GABRA4: variants seen among roughly 807,000 people sequenced by gnomAD.
GABRA4 encodes the protein gamma-aminobutyric acid receptor subunit alpha-4.
Under a neutral mutation model 49.7 loss-of-function variants are expected in GABRA4, and 12 were observed. The observed-to-expected ratio is 0.24, with a 90% CI of 0.15 to 0.39. GABRA4 has a LOEUF of 0.39. Among genes scored for constraint, GABRA4 ranks in the 10% least tolerant of loss-of-function variants. GABRA4 has a pLI of 1.00. For synonymous variants in GABRA4, 288 were observed against 240.2 expected (o/e 1.20, Z -1.84); for missense variants, 506 against 686.0 (o/e 0.74, Z 2.93).
At chr4:46,928,811 A>G (rs955621251) in intron 8 of GABRA4, 56 bp from the exon 9 acceptor site, 3 of 1,243,180 alleles carry the variant, frequency 2.4e-6, no homozygotes, top group Non-Finnish European at 3.4e-6. Flanking sequence ...AGATTTGTAC[A>G]AAATTTAAAG....
chr4:46,964,589 A>T (rs1383675492), intron 8 of GABRA4, among the ~76,000 whole-genome samples: 1 of 151,804 alleles, frequency 6.6e-6, no homozygotes, highest in Non-Finnish European at 1.5e-5. Flanking sequence ...TAAAGACACA[A>T]ACAAAAACTA....
chr4:46,993,029 T>C (rs945837755), intron 1 of GABRA4, 83 bp from the exon 2 acceptor site: 1 of 1,086,108 alleles, frequency 9.2e-7, no homozygotes, highest in Non-Finnish European at 1.4e-6. Flanking sequence ...AGGTTTGTTT[T>C]CTAGGGAAAG....
At position 46,920,878 on chromosome 4, in the gene GABRA4, A is replaced by G. The variant is rs1720999461; in HGVS notation, c.*7347T>C. ...GAATATATTTAATTTATCCTTTACT[A>G]CTTGTGTAACATAATCAACTCTGTC... On this transcript the variant is annotated 3_prime_UTR_variant, in exon 9 of 9. Coordinates refer to ENST00000264318, the MANE Select transcript of GABRA4 (RefSeq NM_000809.4). 1 of 151,886 alleles carries G rather than the reference A, an allele frequency of 6.6e-6. No individual in the cohort carries two copies. The highest frequency in any genetic ancestry group is 1.5e-5 in the Non-Finnish European group (1 of 67,782). 9.4% of individuals were successfully genotyped at this position (151,886 alleles called of 1,614,324 possible).
chr4:46,988,530 T>C (rs1264150646), intron 2 of GABRA4, among the ~76,000 whole-genome samples: 2 of 152,232 alleles, frequency 1.3e-5, no homozygotes, highest in Non-Finnish European at 2.9e-5. Flanking sequence ...ACATGACACA[T>C]TAACTTTTAA....
At chr4:46,950,316 G>T (rs16851641) in intron 8 of GABRA4, among the ~76,000 whole-genome samples, 2 of 151,916 alleles carry the variant, frequency 1.3e-5, no homozygotes, top group Non-Finnish European at 1.5e-5. Context: ...CACAAAGTAC[G>T]GCTCCAAGGT....
At chr4:46,987,305 T>C (rs1723576463) in intron 2 of GABRA4, among the ~76,000 whole-genome samples, 1 of 152,174 alleles carries the variant, frequency 6.6e-6, no homozygotes, top group Admixed American at 6.6e-5. Context: ...TTTATGCTTT[T>C]ACTGAATTAC....
chr4:46,967,835 G>C (rs1206050192), intron 7 of GABRA4, among the ~76,000 whole-genome samples: 1 of 151,688 alleles, frequency 6.6e-6, no homozygotes, highest in African/African-American at 2.4e-5. Flanking sequence ...AGTAGGCAAA[G>C]ACTGTACACA....
At chr4:46,990,424 A>G (rs1723702754) in intron 2 of GABRA4, among the ~76,000 whole-genome samples, 1 of 152,190 alleles carries the variant, frequency 6.6e-6, no homozygotes, top group Non-Finnish European at 1.5e-5. Flanking sequence ...ATCCATATAC[A>G]ATGGATCCCT....
At chr4:46,976,165 A>C (rs1246439593) in intron 5 of GABRA4, among the ~76,000 whole-genome samples, 1 of 151,656 alleles carries the variant, frequency 6.6e-6, no homozygotes, top group African/African-American at 2.4e-5. Context: ...AAGGAATCTC[A>C]TATTGTTTTC....
intron 8 of GABRA4, among the ~76,000 whole-genome samples, chr4:46,947,869 G>A (rs1722034177): frequency 6.6e-6 from 1 of 152,026 alleles, no homozygotes; most frequent in Non-Finnish European, 1.5e-5. Context: ...GGGTTTGGAG[G>A]CTGGCTGGAC....
intron 8 of GABRA4, among the ~76,000 whole-genome samples, chr4:46,932,130 G>A (rs1721459355): frequency 6.6e-6 from 1 of 152,066 alleles, no homozygotes; most frequent in Non-Finnish European, 1.5e-5. Context: ...TAGAAGATTG[G>A]CCTGCCCAGA....
intron 8 of GABRA4, among the ~76,000 whole-genome samples, chr4:46,930,986 A>G (rs1721412329): frequency 6.6e-6 from 1 of 151,960 alleles, no homozygotes; most frequent in Admixed American, 6.6e-5. Flanking sequence ...CCTGAACTGA[A>G]GAGATGAAGT....
intron 8 of GABRA4, among the ~76,000 whole-genome samples, chr4:46,942,611 T>G (rs1329744486): frequency 6.9e-6 from 1 of 145,482 alleles, no homozygotes; most frequent in South Asian, 2.2e-4. Context: ...GGCGACAGAG[T>G]GAGACTCTGT....
chr4:46,928,947 T>C (rs1721336237), intron 8 of GABRA4, among the ~76,000 whole-genome samples, 192 bp from the exon 9 acceptor site: 1 of 152,042 alleles, frequency 6.6e-6, no homozygotes, highest in African/African-American at 2.4e-5. Context: ...TTTGAAACTT[T>C]GAATCAAAAA....
At position 46,922,310 on chromosome 4, in the gene GABRA4, C is replaced by T. The variant is rs900813066; in HGVS notation, c.*5915G>A. The T allele has an allele frequency of 2.0e-5, 3 of 152,028 alleles. No homozygotes were observed. The highest frequency in any genetic ancestry group is 7.2e-5 in the African/African-American group (3 of 41,402). The allele number at this position is 152,028 out of a possible 1,614,324, so 9.4% of individuals were successfully genotyped here. ...TGGGCAGAAGAAAAAACACATAAAA[C>T]GGTTTTGGGGAGGTGGGCTTGAAAC... On this transcript the variant is annotated 3_prime_UTR_variant, in exon 9 of 9. Transcript: ENST00000264318.
chr4:46,981,215 TATC>T (rs1470447506), intron 2 of GABRA4, among the ~76,000 whole-genome samples: 1 of 152,124 alleles, frequency 6.6e-6, no homozygotes, highest in Non-Finnish European at 1.5e-5. Flanking sequence ...AAAATATTAA[TATC>T]ATACGTATTT....
chr4:46,971,708 T>C (rs1448444905), intron 6 of GABRA4, among the ~76,000 whole-genome samples: 2 of 150,530 alleles, frequency 1.3e-5, no homozygotes, highest in Admixed American at 6.6e-5. Flanking sequence ...ATATACATAT[T>C]TATATATAAA....
intron 2 of GABRA4, 81 bp from the exon 3 acceptor site, chr4:46,979,179 A>C: frequency 1.2e-6 from 1 of 823,436 alleles, no homozygotes; most frequent in Non-Finnish European, 2.1e-6. Context: ...TACAGAGTAA[A>C]TACAGATATG....
chr4:46,979,171 C>A (rs1258266433), intron 2 of GABRA4, 73 bp from the exon 3 acceptor site: 2 of 892,754 alleles, frequency 2.2e-6, no homozygotes, highest in African/African-American at 3.3e-5. Context: ...TAGATAATTA[C>A]AGAGTAAATA....
Sources: allele counts gnomAD v4.1 joint callset (sites outside exome capture counted in the v4.1 genomes callset), GRCh38; gene constraint gnomAD v4.1.1; transcripts MANE v1.5; gene names NCBI Gene and HGNC (gene_info 2026-07-23, HGNC 2026-07-21).